Variants in MYO16 observed in about 807,000 individuals in gnomAD.
MYO16 encodes the protein myosin XVI.
MYO16 carries 94 observed loss-of-function variants against 205.3 expected under a neutral mutation model. The observed-to-expected ratio is 0.46, with a 90% confidence interval of 0.39 to 0.54. The LOEUF (loss-of-function observed/expected upper bound fraction) is 0.54, where lower values mean the gene tolerates loss of function less well. MYO16 is among the 20% of genes least tolerant of loss of function. The pLI, the probability that MYO16 is intolerant of heterozygous loss-of-function variation, is 0.00. For synonymous variants in MYO16, 988 were observed against 954.0 expected (o/e 1.04, Z -0.66); for missense variants, 2,315 against 2,387.5 (o/e 0.97, Z 0.63).
chr13:109,044,398 G>A (rs760916656), intron 23 of MYO16, among the ~76,000 whole-genome samples: 6 of 152,118 alleles, frequency 3.9e-5, no homozygotes, highest in Non-Finnish European at 7.4e-5. Context: ...ATTTGCACCA[G>A]AAATACTCAA....
intron 20 of MYO16, among the ~76,000 whole-genome samples, chr13:108,965,649 G>A (rs1045964702): frequency 9.9e-5 from 15 of 151,976 alleles, no homozygotes; most frequent in African/African-American, 2.4e-4. Context: ...CAGGTGATCC[G>A]CCTGCCTCGG....
intron 4 of MYO16, among the ~76,000 whole-genome samples, chr13:108,769,444 C>A (rs1298349667): frequency 6.6e-6 from 1 of 152,072 alleles, no homozygotes; most frequent in African/African-American, 2.4e-5. Flanking sequence ...CACAGAGACA[C>A]TTGAAAACCA....
intron 17 of MYO16, among the ~76,000 whole-genome samples, chr13:108,958,057 G>A (rs1274855834): frequency 6.6e-6 from 1 of 151,520 alleles, no homozygotes; most frequent in Non-Finnish European, 1.5e-5. Context: ...AGAGTGGCAA[G>A]AGGAGAGGGT....
the MYO16 span, among the ~76,000 whole-genome samples, chr13:108,552,635 T>C: frequency 0.015 from 2,260 of 152,298 alleles, 56 homozygotes; most frequent in African/African-American, 0.051. Context: ...CATTCTCAGA[T>C]GAGTATCATC....
At position 108,653,801 on chromosome 13, in the gene MYO16, G is replaced by A. The variant is rs994707980; in HGVS notation, c.29-12085G>A. ...TATATATACATATATATATATGTGT[G>A]TATATATATATATATTCTTATATAG... On this transcript the variant is annotated intron_variant, in intron 1 of 34. Transcript: ENST00000457511. 1.0e-4 allele frequency among the ~76,000 whole-genome samples: 15 copies of A among 148,630 alleles called. No individual in the cohort carries two copies. In the East Asian group the frequency reaches 1.2e-3, roughly 12 times the overall value.
chr13:108,987,017 C>T (rs997229983), intron 20 of MYO16, among the ~76,000 whole-genome samples: 1 of 152,252 alleles, frequency 6.6e-6, no homozygotes, highest in Non-Finnish European at 1.5e-5. Flanking sequence ...TTTAAATGCT[C>T]CTAACAGTGC....
chr13:108,670,272 C>T (rs1418206190), intron 2 of MYO16, among the ~76,000 whole-genome samples: 1 of 152,100 alleles, frequency 6.6e-6, no homozygotes, highest in Non-Finnish European at 1.5e-5. Flanking sequence ...GGCTGTATAA[C>T]AGAATCACCT....
Position 108,898,107 on chromosome 13 carries a change from G to A in MYO16, c.1751G>A (p.Cys584Tyr). The change falls in exon 15 of 35, where the codon TGT (cysteine) becomes TAT (tyrosine). Residue 584 changes from cysteine to tyrosine, a missense_variant. By Grantham distance (194) the Cys-to-Tyr change is radical. Coordinates refer to ENST00000457511, the MANE Select transcript of MYO16 (RefSeq NM_001198950.3). Reference sequence around the variant, plus strand: ...ATCAAGTATTTTGAACTGCAGTTCTGTGAGAGGAAACAACAGCTAACCGGA... The same window carrying A: ...ATCAAGTATTTTGAACTGCAGTTCTATGAGAGGAAACAACAGCTAACCGGA... The part of the protein sequence containing the change: ...CFIKYFELQF[C>Y]ERKQQLTGAR... 6.2e-7 allele frequency: 1 copy of A among 1,613,142 alleles called. No individual in the cohort carries two copies. Among genetic ancestry groups the A allele is most frequent in the Non-Finnish European group, 8.5e-7 (1 of 1,179,146 alleles).
the MYO16 span, among the ~76,000 whole-genome samples, chr13:108,522,572 C>T: frequency 6.6e-6 from 1 of 152,230 alleles, no homozygotes; most frequent in Admixed American, 6.5e-5. Context: ...TTTATTGACT[C>T]CCATAAATCT....
chr13:109,100,733 C>A, intron 27 of MYO16, 52 bp from the exon 28 acceptor site: 1 of 1,428,316 alleles, frequency 7.0e-7, no homozygotes, highest in South Asian at 1.2e-5. Context: ...TGAATGTGAT[C>A]ATGTGCTTGG....
chr13:108,538,708 A>G, the MYO16 span, among the ~76,000 whole-genome samples: 3 of 152,024 alleles, frequency 2.0e-5, no homozygotes, highest in African/African-American at 7.2e-5. Flanking sequence ...GAAATATTAG[A>G]CAACAGATGC....
intron 23 of MYO16, among the ~76,000 whole-genome samples, chr13:109,041,290 G>A (rs564879102): frequency 3.5e-4 from 53 of 152,270 alleles, no homozygotes; most frequent in African/African-American, 1.3e-3. Flanking sequence ...ATAGTAATCA[G>A]TTCTCCCCAG....
At chr13:108,884,590 T>A (rs1879769712) in intron 13 of MYO16, among the ~76,000 whole-genome samples, 1 of 151,988 alleles carries the variant, frequency 6.6e-6, no homozygotes, top group Non-Finnish European at 1.5e-5. Flanking sequence ...AGACAGGGGC[T>A]CTCACCCATT....
intron 1 of MYO16, among the ~76,000 whole-genome samples, chr13:108,599,480 C>G (rs926357466): frequency 6.6e-6 from 1 of 152,062 alleles, no homozygotes; most frequent in Non-Finnish European, 1.5e-5. Flanking sequence ...TTCATAAATA[C>G]CTTGGGAAAA....
At position 109,022,569 on chromosome 13, in the gene MYO16, A is replaced by G. The variant is rs919576571; in HGVS notation, c.2796+2658A>G. Among the ~76,000 whole-genome samples the G allele has an allele frequency of 1.0e-4, 12 of 119,808 alleles. 2 individuals are homozygous for G. The highest frequency in any genetic ancestry group is 5.1e-5 in the Non-Finnish European group (3 of 59,276). The allele number at this position is 119,808 out of a possible 152,430, so 78.6% of individuals were successfully genotyped here. ...ATATATTTCTATATTCTACATACAC[A>G]TATAAACATATGTATATATTTCTAT... On this transcript the variant is annotated intron_variant, in intron 23 of 34. Transcript: ENST00000457511.
chr13:108,543,946 T>C, the MYO16 span, among the ~76,000 whole-genome samples: 2 of 149,944 alleles, frequency 1.3e-5, no homozygotes, highest in Middle Eastern at 7.2e-3. Context: ...ATGCTTGTAA[T>C]CCCAGCTATA....
At chr13:108,712,877 C>A in intron 3 of MYO16, 146 bp downstream of exon 3, 1 of 587,450 alleles carries the variant, frequency 1.7e-6, no homozygotes, top group Non-Finnish European at 2.9e-6. Flanking sequence ...GGATGATAAG[C>A]TGCAATTATT....
chr13:108,581,939 T>C, the MYO16 span, among the ~76,000 whole-genome samples: 1 of 151,554 alleles, frequency 6.6e-6, no homozygotes, highest in Non-Finnish European at 1.5e-5. Context: ...TTGTCAGCAC[T>C]GTTAGAAACC....
chr13:108,920,941 C>A (rs1451439463), intron 16 of MYO16, among the ~76,000 whole-genome samples: 1 of 152,178 alleles, frequency 6.6e-6, no homozygotes, highest in Non-Finnish European at 1.5e-5. Flanking sequence ...TAGACCAATG[C>A]AGTTTGCAGA....
Sources: gnomAD v4.1 joint callset for allele counts (sites outside exome capture counted in the v4.1 genomes callset) on GRCh38, gnomAD v4.1.1 for gene constraint, MANE v1.5 for transcripts, NCBI Gene and HGNC (gene_info 2026-07-23, HGNC 2026-07-21) for gene names.